Variants in MTUS2 observed in about 807,000 individuals in gnomAD.
The protein encoded by MTUS2 is microtubule associated scaffold protein 2.
A neutral mutation model predicts 114.1 loss-of-function variants in MTUS2; 40 were observed. The ratio of observed to expected loss-of-function variants is 0.35; its 90% confidence interval spans 0.27 to 0.46. The LOEUF (loss-of-function observed/expected upper bound fraction) is 0.46, where lower values mean the gene tolerates loss of function less well. Among genes scored for constraint, MTUS2 ranks in the 20% least tolerant of loss-of-function variants. The pLI is 1.00. For synonymous variants in MTUS2, 688 were observed against 672.0 expected, an observed-to-expected ratio of 1.02 and a Z score of -0.37; for missense variants, 1,679 against 1,705.4, an observed-to-expected ratio of 0.98 and a Z score of 0.27.
At chr13:29,358,538 A>G (rs1409759374) in intron 7 of MTUS2, among the ~76,000 whole-genome samples, 2 of 152,200 alleles carry the variant, frequency 1.3e-5, no homozygotes, top group African/African-American at 4.8e-5. Flanking sequence ...GGTTCACACA[A>G]GTGATGACGT....
At chr13:29,223,414 G>A (rs1895985305) in intron 5 of MTUS2, among the ~76,000 whole-genome samples, 2 of 152,252 alleles carry the variant, frequency 1.3e-5, no homozygotes, top group South Asian at 4.1e-4. Flanking sequence ...CATACTGTGG[G>A]TCTCCCCTCT....
chr13:29,482,794 T>C (rs1186628289), intron 10 of MTUS2, among the ~76,000 whole-genome samples: 1 of 152,244 alleles, frequency 6.6e-6, no homozygotes, highest in Non-Finnish European at 1.5e-5. Context: ...TTTGACTGAA[T>C]CTTTCCAACA....
chr13:29,149,548 T>C (rs1045572291), intron 5 of MTUS2, among the ~76,000 whole-genome samples: 1 of 152,172 alleles, frequency 6.6e-6, no homozygotes, highest in African/African-American at 2.4e-5. Context: ...TCAATTTTAG[T>C]TTTTCTTGCT....
chr13:29,242,495 G>A (rs1335661), intron 5 of MTUS2: 6,711 of 162,116 alleles, frequency 0.041, 484 homozygotes, highest in African/African-American at 0.15. Context: ...AAAACCAATT[G>A]TTTGGTAATA....
intron 5 of MTUS2, among the ~76,000 whole-genome samples, chr13:29,233,391 C>T (rs752521594): frequency 1.3e-5 from 2 of 151,926 alleles, no homozygotes; most frequent in East Asian, 1.9e-4. Flanking sequence ...CATCTTGGGA[C>T]GAAGTAGGGA....
intron 2 of MTUS2, among the ~76,000 whole-genome samples, chr13:28,935,071 C>A (rs1881830275): frequency 8.6e-6 from 1 of 116,716 alleles, no homozygotes; most frequent in African/African-American, 3.4e-5. Flanking sequence ...AATCATTGAT[C>A]AGGTGCACTT....
At chr13:29,417,301 C>G (rs1305669611) in intron 8 of MTUS2, among the ~76,000 whole-genome samples, 48 of 152,216 alleles carry the variant, frequency 3.2e-4, no homozygotes, top group Non-Finnish European at 2.9e-5. Context: ...AGATTCTTCC[C>G]CATGACCCAT....
chr13:29,031,237 GGTGTGTGTGTGT>G (rs59288953), intron 3 of MTUS2, among the ~76,000 whole-genome samples: 9 of 122,884 alleles, frequency 7.3e-5, no homozygotes, highest in Non-Finnish European at 1.0e-4. Flanking sequence ...AGAACTAATA[GGTGTGTGTGTGT>G]GTGTGTGTGT....
In MTUS2 at chr13:29,456,859, C is replaced by T. The variant is rs111542225; in HGVS notation, c.3184+16810C>T. On this transcript the variant is annotated intron_variant, in intron 9 of 15. Coordinates refer to ENST00000612955, the MANE Select transcript of MTUS2 (RefSeq NM_001033602.4). ...TGTGGATAAATATAAAAGACTAGGC[C>T]GGGCACGGTGGCTCACGCCTGTAAT... Among the ~76,000 whole-genome samples, 621 of 152,138 alleles carry T rather than the reference C, an allele frequency of 4.1e-3. 5 individuals are homozygous for T. The highest frequency in any genetic ancestry group is 0.014 in the African/African-American group (588 of 41,512).
chr13:28,907,783 G>A (rs555740296), intron 2 of MTUS2, among the ~76,000 whole-genome samples: 2 of 151,496 alleles, frequency 1.3e-5, no homozygotes, highest in Non-Finnish European at 2.9e-5. Context: ...AAGAGACTTA[G>A]ACTCCCACAC....
chr13:29,154,024 T>C (rs1892763302), intron 5 of MTUS2, among the ~76,000 whole-genome samples: 1 of 152,034 alleles, frequency 6.6e-6, no homozygotes, highest in South Asian at 2.1e-4. Flanking sequence ...GTTCAGAAGG[T>C]GTTGGAGGGT....
intron 2 of MTUS2, among the ~76,000 whole-genome samples, chr13:28,923,732 G>A (rs971913670): frequency 1.6e-4 from 24 of 152,252 alleles, no homozygotes; most frequent in Non-Finnish European, 2.6e-4. Flanking sequence ...TGGCACCTAG[G>A]AACATAGCAG....
intron 4 of MTUS2, among the ~76,000 whole-genome samples, chr13:29,066,483 T>C (rs1156930604): frequency 2.6e-5 from 4 of 152,318 alleles, no homozygotes; most frequent in Middle Eastern, 6.8e-3. Flanking sequence ...GTTGTCTCTG[T>C]TGCAACTACT....
At chr13:28,894,299 A>G (rs1593277569) in intron 2 of MTUS2, among the ~76,000 whole-genome samples, 4 of 3,732 alleles carry the variant, frequency 1.1e-3, no homozygotes, top group Non-Finnish European at 1.5e-3. Context: ...GGAGAGAGAG[A>G]GAGAGGGGGG....
chr13:29,333,206 CT>C (rs940337554), intron 7 of MTUS2, among the ~76,000 whole-genome samples: 7 of 151,832 alleles, frequency 4.6e-5, no homozygotes, highest in Admixed American at 4.6e-4. Context: ...TCTTTTCTTT[CT>C]TTTTTTTGAG....
At position 29,026,727 on chromosome 13, in the gene MTUS2, C is replaced by A; in HGVS notation, c.2029C>A (p.Pro677Thr). The change falls in exon 3 of 16, where the codon CCT (proline) becomes ACT (threonine). Residue 677 changes from proline to threonine, a missense_variant. This residue lies in a region of MTUS2 where 822 missense variants were observed against 899.7 expected (regional missense o/e 0.91). Transcript: ENST00000612955. ...ATATGCCCCGCCCACATGTACCATG[C>A]CTCTTCCCCACGAAGAGAAGGCAGC... is the stretch of plus-strand genomic sequence containing the variant. ...LPYAPPTCTM[P>T]LPHEEKAAGG... 1 of 1,613,958 alleles carries A rather than the reference C, an allele frequency of 6.2e-7. No homozygotes were observed. The highest frequency in any genetic ancestry group is 8.5e-7 in the Non-Finnish European group (1 of 1,179,882).
At chr13:29,495,980 C>A (rs562487883) in intron 12 of MTUS2, among the ~76,000 whole-genome samples, 1 of 151,808 alleles carries the variant, frequency 6.6e-6, no homozygotes, top group East Asian at 1.9e-4. Flanking sequence ...TAGAAGAGTT[C>A]ATGGGAGACC....
chr13:28,923,504 T>A (rs1881161663), intron 2 of MTUS2, among the ~76,000 whole-genome samples: 1 of 152,250 alleles, frequency 6.6e-6, no homozygotes, highest in Non-Finnish European at 1.5e-5. Flanking sequence ...CTGTTTGGTG[T>A]ATCTCATGCC....
At chr13:29,031,459 C>T (rs1329461254) in intron 3 of MTUS2, among the ~76,000 whole-genome samples, 2 of 151,764 alleles carry the variant, frequency 1.3e-5, no homozygotes, top group African/African-American at 4.8e-5. Flanking sequence ...AAGAAATTGG[C>T]TCATGATTGT....
Sources: gnomAD v4.1 joint callset for allele counts (sites outside exome capture counted in the v4.1 genomes callset) on GRCh38, gnomAD v4.1.1 for gene constraint, gnomAD v4.1.1 regional missense constraint, MANE v1.5 for transcripts, NCBI Gene and HGNC (gene_info 2026-07-23, HGNC 2026-07-21) for gene names.